The following SEH1L variants were observed in gnomAD, a reference collection of about 807,000 sequenced individuals.
SEH1L encodes SEH1 like nucleoporin, also known as nucleoporin SEH1.
In SEH1L, 18 loss-of-function variants were observed where a neutral mutation model predicts 49.5. The ratio of observed to expected loss-of-function variants is 0.36; its 90% CI spans 0.25 to 0.54. The LOEUF (loss-of-function observed/expected upper bound fraction) is 0.54. Ranked by LOEUF, SEH1L falls within the 20% of genes least tolerant of loss-of-function variation. The pLI is 0.87. For synonymous variants in SEH1L, 169 were observed against 178.1 expected (o/e 0.95, Z 0.41); for missense variants, 404 against 528.8 (o/e 0.76, Z 2.31).
intron 5 of SEH1L, chr18:12,976,468 G>T (rs6505774): frequency 0.58 from 87,558 of 152,128 alleles, 25,368 homozygotes; most frequent in Middle Eastern, 0.66. Context: ...GCCACAGTAC[G>T]GGTGTTCCTC....
chr18:12,986,742 C>G, intron 8 of SEH1L, 120 bp from the exon 9 acceptor site: 5 of 1,074,536 alleles, frequency 4.7e-6, no homozygotes, highest in Middle Eastern at 3.6e-4. Context: ...TTTTTTTTTT[C>G]TAGCATGTGT....
In SEH1L at chr18:12,948,318, G is replaced by C. The variant is rs2030245229; in HGVS notation, c.111+86G>C. 1.2e-5 allele frequency: 12 copies of C among 971,602 alleles called. No individual in the cohort carries two copies. In the Admixed American group the frequency reaches 2.4e-4, roughly 19 times the overall value. The allele number at this position is 971,602 out of a possible 1,614,324, so 60.2% of individuals were successfully genotyped here. A position where few individuals can be genotyped will look rare whatever the true frequency, so the allele number is the denominator to read the frequency against. ...GGCGCGGGGAACGGGGCTGTGTCTT[G>C]GTTCAGTGACGCCGCTGGAAGCTGT... On this transcript the variant is annotated intron_variant, in intron 1 of 8. Coordinates refer to ENST00000399892, the MANE Select transcript of SEH1L (RefSeq NM_001013437.2).
chr18:12,971,036 T>C, intron 4 of SEH1L, 117 bp from the exon 5 acceptor site: 1 of 685,682 alleles, frequency 1.5e-6, no homozygotes, highest in Non-Finnish European at 2.6e-6. Flanking sequence ...CTAGATTCAC[T>C]AGTAGTGTGA....
intron 8 of SEH1L, chr18:12,985,420 G>T: frequency 7.5e-7 from 1 of 1,337,082 alleles, no homozygotes. Flanking sequence ...AAAATACAGT[G>T]TATATTTTTT....
At chr18:12,965,410 A>G (rs2031405346) in intron 4 of SEH1L, among the ~76,000 whole-genome samples, 1 of 152,200 alleles carries the variant, frequency 6.6e-6, no homozygotes, top group Non-Finnish European at 1.5e-5. Flanking sequence ...TCTTTTGACT[A>G]CAAATTGATT....
chr18:12,979,163 A>G lies in SEH1L; in HGVS notation c.761+271A>G, dbSNP rs554382409. 8.3e-4 allele frequency among the ~76,000 whole-genome samples: 125 copies of G among 150,574 alleles called. 1 individual carries two copies. The highest frequency in any genetic ancestry group is 1.4e-3 in the Non-Finnish European group (98 of 67,692). ...GGACAATAGTGGAGGGAAGGTCAGCAGATAAACAAGTGAACAAAGGTCTCT... is the reference window on the plus strand; with the variant it reads ...GGACAATAGTGGAGGGAAGGTCAGCGGATAAACAAGTGAACAAAGGTCTCT... On this transcript the variant is annotated intron_variant, in intron 6 of 8. Coordinates refer to ENST00000399892, the MANE Select transcript of SEH1L (RefSeq NM_001013437.2).
intron 4 of SEH1L, among the ~76,000 whole-genome samples, chr18:12,965,164 C>T (rs1278780505): frequency 6.6e-6 from 1 of 151,914 alleles, no homozygotes; most frequent in Non-Finnish European, 1.5e-5. Context: ...AGGTGCCTGC[C>T]ACCACGCCTG....
intron 5 of SEH1L, chr18:12,975,669 A>G (rs1326958464): frequency 4.1e-6 from 4 of 982,920 alleles, no homozygotes; most frequent in African/African-American, 1.7e-5. Flanking sequence ...TCTGATCTCT[A>G]TCCTGGCAGC....
At chr18:12,959,251 T>C (rs2031053283) in intron 3 of SEH1L, among the ~76,000 whole-genome samples, 1 of 152,244 alleles carries the variant, frequency 6.6e-6, no homozygotes, top group Admixed American at 6.5e-5. Context: ...CCCTTATCTG[T>C]TATAGGTTGA....
At chr18:12,950,536 G>A (rs1027710893) in intron 1 of SEH1L, among the ~76,000 whole-genome samples, 2 of 152,134 alleles carry the variant, frequency 1.3e-5, no homozygotes, top group African/African-American at 4.8e-5. Context: ...TAGAGTGTGT[G>A]TATATACGTA....
At chr18:12,979,035 G>GT (rs1386209938) in intron 6 of SEH1L, 143 bp downstream of exon 6, 7 of 748,102 alleles carry the variant, frequency 9.4e-6, no homozygotes, top group Admixed American at 2.8e-5. Context: ...ACTTTGAAAT[G>GT]TTTTTTAAAA....
chr18:12,980,140 A>T (rs1352146171), intron 6 of SEH1L, among the ~76,000 whole-genome samples: 6 of 94,484 alleles, frequency 6.4e-5, no homozygotes, highest in East Asian at 4.3e-4. Flanking sequence ...GGGGCTCCTC[A>T]CTTCCCAGTA....
At chr18:12,979,693 G>C (rs1488536236) in intron 6 of SEH1L, among the ~76,000 whole-genome samples, 2 of 147,574 alleles carry the variant, frequency 1.4e-5, no homozygotes, top group South Asian at 2.2e-4. Context: ...TGGCTGGGCG[G>C]GGGGCTGACC....
intron 6 of SEH1L, among the ~76,000 whole-genome samples, chr18:12,981,850 A>AT (rs554886753): frequency 0.039 from 3,454 of 88,050 alleles, 564 homozygotes; most frequent in African/African-American, 0.049. Context: ...TGCCCTGCCC[A>AT]TTTTTTTTTT....
chr18:12,958,109 A>T (rs2030990145), intron 3 of SEH1L, among the ~76,000 whole-genome samples: 2 of 71,110 alleles, frequency 2.8e-5, no homozygotes, highest in South Asian at 4.4e-4. Context: ...TTTGAGACAG[A>T]GTCTTGTTCT....
At chr18:12,948,895 G>C (rs1042275103) in intron 1 of SEH1L, 1 of 149,156 alleles carries the variant, frequency 6.7e-6, no homozygotes, top group Non-Finnish European at 1.5e-5. Flanking sequence ...TGTCACCCAG[G>C]CTGGAGTGCA....
At chr18:12,962,105 G>T (rs1407728617) in intron 3 of SEH1L, among the ~76,000 whole-genome samples, 1 of 152,096 alleles carries the variant, frequency 6.6e-6, no homozygotes, top group Non-Finnish European at 1.5e-5. Flanking sequence ...TCACTTAAAA[G>T]TGCATGGTAG....
chr18:12,969,392 TA>T (rs1228320943), intron 4 of SEH1L, among the ~76,000 whole-genome samples: 22 of 145,608 alleles, frequency 1.5e-4, no homozygotes, highest in Non-Finnish European at 2.0e-4. Flanking sequence ...CAGTCTCAAT[TA>T]AAAAAAAAAA....
intron 4 of SEH1L, among the ~76,000 whole-genome samples, chr18:12,969,792 T>C (rs2031617337): frequency 6.6e-6 from 1 of 151,072 alleles, no homozygotes; most frequent in Non-Finnish European, 1.5e-5. Flanking sequence ...CTCAGGAGAC[T>C]GAGACAGGAG....
Sources: gnomAD v4.1 joint callset for allele counts (sites outside exome capture counted in the v4.1 genomes callset) on GRCh38, gnomAD v4.1.1 for gene constraint, MANE v1.5 for transcripts, NCBI Gene and HGNC (gene_info 2026-07-23, HGNC 2026-07-21) for gene names.